The following CENPF variants were observed in gnomAD, a reference collection of about 807,000 sequenced individuals.
CENPF encodes the protein AH antigen.
A neutral mutation model predicts 307.3 loss-of-function variants in CENPF; 214 were observed. The ratio of observed to expected loss-of-function variants is 0.70; its 90% CI spans 0.62 to 0.78. The LOEUF is 0.78. Among genes scored for constraint, CENPF ranks in the 30% least tolerant of loss-of-function variants. The pLI is 0.00. For missense variants in CENPF, 3,401 were observed against 3,483.9 expected (o/e 0.98, Z 0.60); for synonymous variants, 1,259 against 1,270.6 (o/e 0.99, Z 0.19).
At chr1:214,653,205 G>T in intron 16 of CENPF, 1 of 505,054 alleles carries the variant, frequency 2.0e-6, no homozygotes, top group Non-Finnish European at 3.7e-6. Context: ...ATTGCCTCAT[G>T]CATCCTCTCA....
intron 15 of CENPF, among the ~76,000 whole-genome samples, chr1:214,652,530 G>A (rs1459278830): frequency 2.8e-5 from 4 of 144,950 alleles, no homozygotes; most frequent in African/African-American, 1.0e-4. Context: ...TGCAGCCTCT[G>A]CCTCCTGGGT....
chr1:214,640,620 A>C lies in CENPF; in HGVS notation c.2282A>C (p.Glu761Ala). Residue 761 changes from glutamate to alanine, a missense_variant, in exon 12 of 20, where the codon GAG (glutamate) becomes GCG (alanine). Glu to Ala is a moderately radical substitution (Grantham distance 107, BLOSUM62 -1). Coordinates refer to ENST00000366955, the MANE Select transcript of CENPF (RefSeq NM_016343.4). ...TACCAAGACTTGCATGCCGAATATGAGAGCCTCAGGGATCTGCTAAAATCC... is the reference window on the plus strand; with the variant it reads ...TACCAAGACTTGCATGCCGAATATGCGAGCCTCAGGGATCTGCTAAAATCC... ...RCYQDLHAEYESLRDLLKSKD... is the reference protein window; with the variant it reads ...RCYQDLHAEYASLRDLLKSKD... The C allele has an allele frequency of 6.2e-7, 1 of 1,614,164 alleles. No individual in the cohort carries two copies. Among genetic ancestry groups the C allele is most frequent in the Non-Finnish European group, 8.5e-7 (1 of 1,179,998 alleles).
At chr1:214,648,458 A>G (rs1478207947) in intron 13 of CENPF, 1 of 716,960 alleles carries the variant, frequency 1.4e-6, no homozygotes, top group East Asian at 2.7e-5. Context: ...TTCCCTTATT[A>G]CTATTCTTCT....
Position 214,622,122 on chromosome 1 carries a change from A to G in CENPF, c.909A>G (p.Gly303=). ...KINELELRLQ[G]HEKEMKGQVN... ...ATGAGTTGGAACTACGCCTGCAAGG[A>G]CATGAAAAAGAAATGAAAGGCCAAG... The change falls in exon 7 of 20, where the codon GGA becomes GGG. Residue 303 remains glycine (G), a synonymous_variant. Coordinates refer to ENST00000366955, the MANE Select transcript of CENPF (RefSeq NM_016343.4). 1 of 1,614,108 alleles carries G rather than the reference A, an allele frequency of 6.2e-7. No homozygotes were observed. Among genetic ancestry groups the G allele is most frequent in the Non-Finnish European group, 8.5e-7 (1 of 1,179,980 alleles).
rs753459750 is a variant in CENPF, at chr1:214,644,587, A to G, written c.5017A>G (p.Ile1673Val). The change falls in exon 13 of 20, where the codon ATA becomes GTA. Residue 1673 changes from isoleucine (I) to valine (V), a missense_variant. Physicochemically the swap from Ile to Val is conservative, Grantham distance 29 (BLOSUM62 3). Transcript: ENST00000366955. ...TCAAGGCCGAAATGAGAGCTGTGAC[A>G]TATCAAAAGAACATACTTCAGAAAC... is the stretch of plus-strand genomic sequence containing the variant. ...AIQGRNESCD[I>V]SKEHTSETTE... The G allele has an allele frequency of 3.1e-6, 5 of 1,609,132 alleles. No individual in the cohort carries two copies. Among genetic ancestry groups the G allele is most frequent in the Admixed American group, 1.7e-5 (1 of 59,316 alleles).
chr1:214,645,099 T>G lies in CENPF; in HGVS notation c.5529T>G (p.Ser1843Arg). The part of the protein sequence containing the change: ...GELKKENSDL[S>R]EKLEYFSCDH... ...TTAAGAAAGAAAACTCAGATTTAAG[T>G]GAAAAATTGGAATATTTTTCTTGTG... is the stretch of plus-strand genomic sequence containing the variant. Residue 1843 changes from serine (S) to arginine (R), a missense_variant, in exon 13 of 20, where the codon AGT becomes AGG. Transcript: ENST00000366955. 6.2e-7 allele frequency: 1 copy of G among 1,612,896 alleles called. No homozygotes were observed. Among genetic ancestry groups the G allele is most frequent in the Non-Finnish European group, 8.5e-7 (1 of 1,179,746 alleles).
chr1:214,658,595 G>C (rs1439373358), intron 18 of CENPF, among the ~76,000 whole-genome samples: 1 of 151,978 alleles, frequency 6.6e-6, no homozygotes, highest in East Asian at 1.9e-4. Flanking sequence ...AATTTTTTCT[G>C]TGTAGTGTTA....
chr1:214,608,629 G>A (rs1354182471), intron 1 of CENPF: 5 of 1,605,194 alleles, frequency 3.1e-6, no homozygotes, highest in Admixed American at 3.3e-5. Context: ...GGCGCGCTCC[G>A]TCAGGTGCAG....
chr1:214,646,134 A>G lies in CENPF; in HGVS notation c.6564A>G (p.Lys2188=), dbSNP rs1418549446. ...CCAAAGCAGAAGTAGAGACTCTAAAAACACAAATAGAAGAGATGGCCAGAA... is the reference window on the plus strand; with the variant it reads ...CCAAAGCAGAAGTAGAGACTCTAAAGACACAAATAGAAGAGATGGCCAGAA... ...ENSKAEVETL[K]TQIEEMARSL... is the part of the protein sequence containing the mutation. Residue 2188 remains lysine (K), a synonymous_variant, in exon 13 of 20, where the codon AAA becomes AAG. Transcript: ENST00000366955. The G allele has an allele frequency of 1.2e-6, 2 of 1,614,134 alleles. No homozygotes were observed. Among genetic ancestry groups the G allele is most frequent in the Middle Eastern group, 1.6e-4 (1 of 6,062 alleles).
Position 214,648,844 on chromosome 1 carries a change from C to G in CENPF, c.7983+17C>G, listed in dbSNP as rs752142991. 2.5e-6 allele frequency: 4 copies of G among 1,610,952 alleles called. No homozygotes were observed. The highest frequency in any genetic ancestry group is 2.2e-5 in the East Asian group (1 of 44,850). On this transcript the variant is annotated intron_variant, in intron 14 of 19. Transcript: ENST00000366955. Reference sequence around the variant, plus strand: ...AGCAGCAAAGTAAGTTTCTTTGTGACAAGTGTTATTATGATCTGTTAATTC... The same window carrying G: ...AGCAGCAAAGTAAGTTTCTTTGTGAGAAGTGTTATTATGATCTGTTAATTC...
chr1:214,631,836 C>T (rs1323441441), intron 9 of CENPF, among the ~76,000 whole-genome samples: 3 of 152,188 alleles, frequency 2.0e-5, no homozygotes, highest in Admixed American at 2.0e-4. Context: ...CCAAATTGCC[C>T]TCCATAAAAG....
chr1:214,609,364 T>C (rs1657139407), intron 1 of CENPF, among the ~76,000 whole-genome samples: 1 of 152,104 alleles, frequency 6.6e-6, no homozygotes, highest in Admixed American at 6.5e-5. Flanking sequence ...TGATAACTGC[T>C]TGGAAGGAGA....
At chr1:214,638,996 TGTG>T (rs1038898317) in intron 11 of CENPF, among the ~76,000 whole-genome samples, 2 of 152,196 alleles carry the variant, frequency 1.3e-5, no homozygotes, top group Non-Finnish European at 2.9e-5. Context: ...ATGAAGCCCT[TGTG>T]GTGCTGTCTA....
chr1:214,628,299 C>T (rs57079582), intron 7 of CENPF, among the ~76,000 whole-genome samples: 5,288 of 152,056 alleles, frequency 0.035, 320 homozygotes, highest in African/African-American at 0.12. Flanking sequence ...ATTCCAGGAC[C>T]CTTTTAGTGG....
intron 12 of CENPF, 152 bp downstream of exon 12, chr1:214,643,476 A>G: frequency 3.2e-6 from 2 of 628,498 alleles, no homozygotes. Flanking sequence ...TTCAAAACAA[A>G]CCAGAACTTG....
rs62623663 is a variant in CENPF, at chr1:214,646,120, G to A, written c.6550G>A (p.Val2184Ile). 8.2e-4 allele frequency: 1,328 copies of A among 1,614,080 alleles called. 13 individuals carry two copies. In the African/African-American group the frequency reaches 0.016, roughly 19 times the overall value. The part of the protein sequence containing the change: ...ILDAENSKAE[V>I]ETLKTQIEEM... ...TGATGCCGAGAATTCCAAAGCAGAA[G>A]TAGAGACTCTAAAAACACAAATAGA... Residue 2184 changes from valine to isoleucine, a missense_variant, in exon 13 of 20, where the codon GTA becomes ATA. By Grantham distance (29) the Val-to-Ile change is conservative. Coordinates refer to ENST00000366955, the MANE Select transcript of CENPF (RefSeq NM_016343.4).
Position 214,626,769 on chromosome 1 carries a change from C to A in CENPF, c.1069-2277C>A, listed in dbSNP as rs187284477. Among the ~76,000 whole-genome samples, 120 of 152,286 alleles carry A rather than the reference C, an allele frequency of 7.9e-4. 1 individual carries two copies. Among genetic ancestry groups the A allele is most frequent in the African/African-American group, 2.1e-3 (88 of 41,554 alleles). On this transcript the variant is annotated intron_variant, in intron 7 of 19. Coordinates refer to ENST00000366955, the MANE Select transcript of CENPF (RefSeq NM_016343.4). ...TTTTTGTAAAGGCTTTAGCATAGTT[C>A]CTGGCACATGGTGAACTTATAATAA...
Position 214,622,177 on chromosome 1 carries a change from C to G in CENPF, c.964C>G (p.Leu322Val), listed in dbSNP as rs762984730. 6.2e-7 allele frequency: 1 copy of G among 1,613,844 alleles called. No homozygotes were observed. Among genetic ancestry groups the G allele is most frequent in the Admixed American group, 1.7e-5 (1 of 60,002 alleles). ...VNKFQELQLQ[L>V]EKAKVELIEK... The stretch of plus-strand genomic sequence containing the variant: ...TAAGTTTCAAGAACTCCAACTCCAA[C>G]TGGAGAAAGCAAAAGTGGAATTAAT... The change falls in exon 7 of 20, where the codon CTG (leucine) becomes GTG (valine). Residue 322 changes from leucine (L) to valine (V), a missense_variant. Transcript: ENST00000366955.
intron 10 of CENPF, among the ~76,000 whole-genome samples, chr1:214,634,002 A>G (rs559468164): frequency 1.6e-4 from 24 of 152,310 alleles, no homozygotes; most frequent in Admixed American, 1.4e-3. Flanking sequence ...GAGTCCAAAC[A>G]CTTTAAAAAC....
Sources: allele counts gnomAD v4.1 joint callset (sites outside exome capture counted in the v4.1 genomes callset), GRCh38; gene constraint gnomAD v4.1.1; transcripts MANE v1.5; gene names NCBI Gene and HGNC (gene_info 2026-07-23, HGNC 2026-07-21).